PSME4: variants seen among roughly 807,000 people sequenced by gnomAD.
PSME4 encodes the protein proteasome activator complex subunit 4.
PSME4 carries 89 observed loss-of-function variants against 253.9 expected under a neutral mutation model. The ratio of observed to expected loss-of-function variants is 0.35; its 90% CI spans 0.30 to 0.42. PSME4 has a LOEUF of 0.42. Ranked by LOEUF, PSME4 falls within the 10% of genes least tolerant of loss-of-function variation. The pLI is 1.00. For missense variants in PSME4, 2,014 were observed against 2,195.2 expected (o/e 0.92, Z 1.65); for synonymous variants, 851 against 759.2 (o/e 1.12, Z -1.99).
intron 1 of PSME4, among the ~76,000 whole-genome samples, chr2:53,960,860 C>T (rs1243434709): frequency 2.0e-5 from 3 of 152,216 alleles, no homozygotes; most frequent in African/African-American, 7.2e-5. Flanking sequence ...GTAATCCCAG[C>T]ACTCTGGGAG....
At chr2:53,896,932 C>T in intron 31 of PSME4, 47 bp from the exon 32 acceptor site, 1 of 1,372,262 alleles carries the variant, frequency 7.3e-7, no homozygotes, top group Non-Finnish European at 1.0e-6. Context: ...GTTTAAATCA[C>T]TTAACTGGTT....
chr2:53,873,175 A>C (rs111696449), intron 43 of PSME4, among the ~76,000 whole-genome samples: 184 of 150,402 alleles, frequency 1.2e-3, no homozygotes, highest in African/African-American at 4.3e-3. Flanking sequence ...CAGGAGGCGG[A>C]GCTTGCAGTG....
At position 53,888,723 on chromosome 2, in the gene PSME4, T is replaced by C. The variant is rs1214447184; in HGVS notation, c.4386A>G (p.Ala1462=). ...ATAGGTTTTTTAAAAAAATTTACCATGCATCTACAAAGGATCCTCCTTCAC... is the reference window on the plus strand; with the variant it reads ...ATAGGTTTTTTAAAAAAATTTACCACGCATCTACAAAGGATCCTCCTTCAC... ...LSGEGGSFVD[A]CRLYVLQGGL... Residue 1462 remains alanine (A), a splice_region_variant and synonymous_variant, in exon 38 of 47, where the codon GCA becomes GCG. Transcript: ENST00000404125. 1.9e-6 allele frequency: 3 copies of C among 1,606,058 alleles called. No individual in the cohort carries two copies. Among genetic ancestry groups the C allele is most frequent in the Non-Finnish European group, 2.6e-6 (3 of 1,173,490 alleles).
At chr2:53,918,953 G>GTA (rs1387464936) in intron 20 of PSME4, among the ~76,000 whole-genome samples, 198 bp downstream of exon 20, 28 of 151,868 alleles carry the variant, frequency 1.8e-4, no homozygotes, top group Non-Finnish European at 3.2e-4. Context: ...TTCTATCCTG[G>GTA]TACCATGTGA....
In PSME4 at chr2:53,908,775, T is replaced by C. The variant is rs368674583; in HGVS notation, c.2629+9A>G. 1.3e-6 allele frequency: 2 copies of C among 1,584,558 alleles called. No homozygotes were observed. The highest frequency in any genetic ancestry group is 1.4e-5 in the African/African-American group (1 of 73,760). ...AGTACAAATAAGTTAAATGTACAGA[T>C]ACACTTACTAAGAAGTTTCCTTATA... is the stretch of plus-strand genomic sequence containing the variant. On this transcript the variant is annotated intron_variant, in intron 22 of 46. Transcript: ENST00000404125.
At chr2:53,921,328 A>G (rs1238801405) in intron 17 of PSME4, among the ~76,000 whole-genome samples, 2 of 151,526 alleles carry the variant, frequency 1.3e-5, no homozygotes, top group Admixed American at 6.6e-5. Context: ...ATCCCTTTCA[A>G]AAGAGTCTAT....
chr2:53,895,438 T>C (rs1014933558), intron 33 of PSME4, 145 bp downstream of exon 33: 1 of 826,648 alleles, frequency 1.2e-6, no homozygotes, highest in Non-Finnish European at 1.9e-6. Flanking sequence ...GGCATAGCAT[T>C]GGCAGGAGCA....
At chr2:53,910,049 A>C (rs1667760652) in intron 21 of PSME4, 26 bp downstream of exon 21, 1 of 1,555,108 alleles carries the variant, frequency 6.4e-7, no homozygotes, top group Non-Finnish European at 8.9e-7. Context: ...ATCCACACAG[A>C]TTTACTCAGA....
chr2:53,967,649 CAAAAA>C (rs71408747), intron 1 of PSME4, among the ~76,000 whole-genome samples: 72 of 21,548 alleles, frequency 3.3e-3, no homozygotes, highest in Admixed American at 7.1e-3. Flanking sequence ...GAGATTGTCT[CAAAAA>C]AAAAAAAAAA....
chr2:53,964,351 T>C (rs866782636), intron 1 of PSME4, among the ~76,000 whole-genome samples: 1 of 152,228 alleles, frequency 6.6e-6, no homozygotes, highest in Admixed American at 6.5e-5. Context: ...AAAAATCAAA[T>C]ATGAAATATG....
chr2:53,872,129 C>T (rs943761021), intron 43 of PSME4, among the ~76,000 whole-genome samples: 2 of 152,160 alleles, frequency 1.3e-5, no homozygotes, highest in Admixed American at 6.5e-5. Flanking sequence ...TCCCCAACAC[C>T]TCCAACTGAT....
chr2:53,910,188 G>C (rs1667767600), intron 20 of PSME4, 58 bp from the exon 21 acceptor site: 1 of 1,410,548 alleles, frequency 7.1e-7, no homozygotes, highest in East Asian at 2.3e-5. Context: ...AGTATTAAAG[G>C]GAAAAGTTTC....
intron 20 of PSME4, among the ~76,000 whole-genome samples, chr2:53,913,622 T>C (rs991534203): frequency 1.3e-5 from 2 of 152,186 alleles, no homozygotes; most frequent in African/African-American, 2.4e-5. Context: ...CAAGAGACAG[T>C]TAGGCCTATT....
chr2:53,907,000 T>C, intron 24 of PSME4, 132 bp from the exon 25 acceptor site: 1 of 708,952 alleles, frequency 1.4e-6, no homozygotes, highest in Non-Finnish European at 2.3e-6. Flanking sequence ...GTATTTCCTT[T>C]ATTCTAAAGA....
intron 41 of PSME4, among the ~76,000 whole-genome samples, chr2:53,881,718 G>A (rs1215226802): frequency 6.6e-6 from 1 of 151,948 alleles, no homozygotes; most frequent in East Asian, 1.9e-4. Context: ...CTGGGTAGCT[G>A]GGACTACAGT....
chr2:53,964,914 C>A (rs942611420), intron 1 of PSME4, among the ~76,000 whole-genome samples: 5 of 152,182 alleles, frequency 3.3e-5, no homozygotes, highest in Non-Finnish European at 5.9e-5. Flanking sequence ...ACTGTACTTT[C>A]AATTCTAAAG....
chr2:53,878,341 T>C (rs151191197), intron 41 of PSME4, among the ~76,000 whole-genome samples: 1,567 of 152,314 alleles, frequency 0.01, 32 homozygotes, highest in African/African-American at 0.036. Context: ...ATCATCTTCA[T>C]AAGCTGAGGA....
At chr2:53,923,458 G>C (rs746022773) in intron 14 of PSME4, 39 bp from the exon 15 acceptor site, 3 of 1,531,572 alleles carry the variant, frequency 2.0e-6, no homozygotes, top group Non-Finnish European at 2.6e-6. Context: ...CATTTTTTAA[G>C]AAAATTAAAC....
intron 3 of PSME4, among the ~76,000 whole-genome samples, chr2:53,947,503 A>G (rs1669772337): frequency 6.6e-6 from 1 of 151,788 alleles, no homozygotes; most frequent in Non-Finnish European, 1.5e-5. Flanking sequence ...CAGGAGATAG[A>G]GACCATCTTG....
Sources: gnomAD v4.1 joint callset for allele counts (sites outside exome capture counted in the v4.1 genomes callset) on GRCh38, gnomAD v4.1.1 for gene constraint, MANE v1.5 for transcripts, NCBI Gene and HGNC (gene_info 2026-07-23, HGNC 2026-07-21) for gene names.